Variants in ATF2 observed in about 807,000 individuals in gnomAD.
The protein encoded by ATF2 is activating transcription factor 2.
A neutral mutation model predicts 60.6 loss-of-function variants in ATF2; 24 were observed. That is an observed-to-expected ratio of 0.40 (90% CI 0.29 to 0.56). The LOEUF (loss-of-function observed/expected upper bound fraction) is 0.56, where lower values mean the gene tolerates loss of function less well. ATF2 is among the 20% of genes least tolerant of loss of function. The probability of loss-of-function intolerance (pLI) is 0.54; values close to 1 mark genes in which losing one functional copy is unlikely to be tolerated. For missense variants in ATF2, 433 were observed against 607.7 expected (o/e 0.71, Z 3.02); for synonymous variants, 206 against 215.4 (o/e 0.96, Z 0.38).
At chr2:175,149,965 G>A (rs1263423347) in intron 2 of ATF2, among the ~76,000 whole-genome samples, 4 of 152,028 alleles carry the variant, frequency 2.6e-5, no homozygotes, top group African/African-American at 9.7e-5. Context: ...CATGCAATAG[G>A]GTAGGAATGT....
chr2:175,079,231 T>C lies in ATF2; in HGVS notation c.1291+1429A>G, dbSNP rs190823859. Among the ~76,000 whole-genome samples the C allele has an allele frequency of 1.5e-4, 23 of 152,280 alleles. No homozygotes were observed. In the East Asian group the frequency reaches 3.3e-3, roughly 22 times the overall value. ...GGATTATCTAATAAATTATCAAAGA[T>C]TTAAAAATTACAGGTAATTCTGAAT... On this transcript the variant is annotated intron_variant, in intron 13 of 13. Transcript: ENST00000264110.
At chr2:175,142,690 A>C (rs958870155) in intron 2 of ATF2, among the ~76,000 whole-genome samples, 9 of 68,202 alleles carry the variant, frequency 1.3e-4, no homozygotes, top group Non-Finnish European at 1.9e-4. Flanking sequence ...GCCGAAAGAG[A>C]GAGAGAGAGA....
At chr2:175,079,788 G>T (rs1293664519) in intron 13 of ATF2, among the ~76,000 whole-genome samples, 5 of 152,128 alleles carry the variant, frequency 3.3e-5, no homozygotes, top group African/African-American at 1.2e-4. Flanking sequence ...AAATTAAAAT[G>T]AAGTGGATAC....
At chr2:175,120,145 A>G (rs542370367) in intron 5 of ATF2, among the ~76,000 whole-genome samples, 14 of 151,746 alleles carry the variant, frequency 9.2e-5, no homozygotes, top group East Asian at 1.9e-4. Flanking sequence ...TATTTGAGTT[A>G]AAGAGTTACA....
intron 3 of ATF2, among the ~76,000 whole-genome samples, chr2:175,133,626 T>C (rs946826787): frequency 3.3e-5 from 5 of 152,194 alleles, no homozygotes; most frequent in Admixed American, 6.5e-5. Context: ...CTTAATGTTA[T>C]GTCAATTAAG....
At chr2:175,149,448 A>G (rs1699162323) in intron 2 of ATF2, among the ~76,000 whole-genome samples, 1 of 152,244 alleles carries the variant, frequency 6.6e-6, no homozygotes, top group South Asian at 2.1e-4. Context: ...AACTAAATCA[A>G]GAGGAGGATT....
In ATF2 at chr2:175,078,016, G is replaced by A. The variant is rs10176743; in HGVS notation, c.1291+2644C>T. ...ATAGGGTCTCCCTGTCGCCCAGGCT[G>A]GAGTGCTATGGCACGATCACAGCTC... On this transcript the variant is annotated intron_variant, in intron 13 of 13. Coordinates refer to ENST00000264110, the MANE Select transcript of ATF2 (RefSeq NM_001880.4). 1.8e-3 allele frequency among the ~76,000 whole-genome samples: 269 copies of A among 152,292 alleles called. 2 individuals carry two copies. Among genetic ancestry groups the A allele is most frequent in the African/African-American group, 5.8e-3 (240 of 41,568 alleles).
intron 12 of ATF2, among the ~76,000 whole-genome samples, chr2:175,083,384 C>T (rs1487307931): frequency 6.6e-6 from 1 of 152,140 alleles, no homozygotes; most frequent in Non-Finnish European, 1.5e-5. Flanking sequence ...CTGAGAAAAA[C>T]AAGCAATGGG....
At chr2:175,092,548 C>T (rs1694624252) in intron 12 of ATF2, 2 of 433,014 alleles carry the variant, frequency 4.6e-6, no homozygotes, top group Admixed American at 2.9e-5. Context: ...TGTACCTGGT[C>T]TGTGGATAAT....
At chr2:175,153,319 C>G (rs114868068) in intron 1 of ATF2, among the ~76,000 whole-genome samples, 2 of 152,274 alleles carry the variant, frequency 1.3e-5, no homozygotes, top group South Asian at 4.1e-4. Flanking sequence ...CACTTAACAA[C>G]AGGGATACAT....
chr2:175,152,023 T>G (rs1699344225), intron 1 of ATF2, among the ~76,000 whole-genome samples: 1 of 152,164 alleles, frequency 6.6e-6, no homozygotes, highest in Admixed American at 6.5e-5. Context: ...ACCATAGCTA[T>G]CGGGGGGATA....
At chr2:175,080,892 T>G (rs1693713694) in intron 12 of ATF2, 127 bp from the exon 13 acceptor site, 1 of 626,664 alleles carries the variant, frequency 1.6e-6, no homozygotes, top group Non-Finnish European at 2.8e-6. Context: ...GAAAATATGC[T>G]GATTAAATAT....
At chr2:175,153,410 C>T (rs180741657) in intron 1 of ATF2, among the ~76,000 whole-genome samples, 1 of 152,204 alleles carries the variant, frequency 6.6e-6, no homozygotes, top group East Asian at 1.9e-4. Context: ...ATGATATAGC[C>T]TATTGCTCCT....
At chr2:175,102,089 A>T (rs977369152) in intron 10 of ATF2, among the ~76,000 whole-genome samples, 1 of 152,224 alleles carries the variant, frequency 6.6e-6, no homozygotes, top group Non-Finnish European at 1.5e-5. Context: ...AAAAAAATCA[A>T]TGAAAACAAA....
intron 13 of ATF2, 63 bp from the exon 14 acceptor site, chr2:175,074,898 G>A: frequency 6.3e-7 from 1 of 1,593,970 alleles, no homozygotes; most frequent in South Asian, 1.1e-5. Context: ...CCAGTATGCT[G>A]AGGCAATACA....
In ATF2 at chr2:175,074,472, T is replaced by G; in HGVS notation, c.*137A>C. On this transcript the variant is annotated 3_prime_UTR_variant, in exon 14 of 14. Transcript: ENST00000264110. ...CTGATCAACTGCTGCTACACCAACT[T>G]TAGAGCCAAATTTAATTTCAAGTAA... 8.6e-7 allele frequency: 1 copy of G among 1,156,942 alleles called. No individual in the cohort carries two copies. Among genetic ancestry groups the G allele is most frequent in the African/African-American group, 1.6e-5 (1 of 63,910 alleles). 71.7% of individuals were successfully genotyped at this position (1,156,942 alleles called of 1,614,324 possible).
At chr2:175,129,674 A>T (rs1697592573) in intron 4 of ATF2, among the ~76,000 whole-genome samples, 1 of 152,052 alleles carries the variant, frequency 6.6e-6, no homozygotes, top group African/African-American at 2.4e-5. Context: ...ACTTTCTGAA[A>T]CTGCTGCCAC....
At chr2:175,107,803 G>A (rs534256074) in intron 10 of ATF2, among the ~76,000 whole-genome samples, 36 of 152,340 alleles carry the variant, frequency 2.4e-4, no homozygotes, top group African/African-American at 8.4e-4. Context: ...TCCTAACCGC[G>A]AGTGATCTGC....
chr2:175,106,755 G>A (rs1394521686), intron 10 of ATF2, among the ~76,000 whole-genome samples: 1 of 152,140 alleles, frequency 6.6e-6, no homozygotes, highest in Non-Finnish European at 1.5e-5. Flanking sequence ...AAAACTGCGT[G>A]AACCCTGGAG....
Sources: gnomAD v4.1 joint callset for allele counts (sites outside exome capture counted in the v4.1 genomes callset) on GRCh38, gnomAD v4.1.1 for gene constraint, MANE v1.5 for transcripts, NCBI Gene and HGNC (gene_info 2026-07-23, HGNC 2026-07-21) for gene names.